Variants in PSTPIP2 observed in about 807,000 individuals in gnomAD.
PSTPIP2 encodes proline-serine-threonine phosphatase-interacting protein 2.
PSTPIP2 carries 33 observed loss-of-function variants against 63.3 expected under a neutral mutation model. That is an observed-to-expected ratio of 0.52 (90% CI 0.40 to 0.70). The LOEUF (loss-of-function observed/expected upper bound fraction) is 0.70, where lower values mean the gene tolerates loss of function less well. PSTPIP2 is among the 30% of genes least tolerant of loss of function. PSTPIP2 has a pLI of 0.00. For synonymous variants in PSTPIP2, 125 were observed against 132.7 expected (o/e 0.94, Z 0.40); for missense variants, 312 against 400.7 (o/e 0.78, Z 1.89).
At position 45,993,663 on chromosome 18, in the gene PSTPIP2, C is replaced by A. The variant is rs774118480; in HGVS notation, c.683G>T (p.Arg228Leu). 1.9e-6 allele frequency: 3 copies of A among 1,614,108 alleles called. No homozygotes were observed. The highest frequency in any genetic ancestry group is 1.7e-6 in the Non-Finnish European group (2 of 1,180,024). ...AQECERINFF[R>L]NALWLHVNQL... ...ATTCACATGTAACCACAATGCATTC[C>A]GGAAGAAGTTTATTCGTTCACATTC... Residue 228 changes from arginine (R) to leucine (L), a missense_variant, in exon 10 of 15, where the codon CGG becomes CTG. Transcript: ENST00000409746.
At chr18:45,994,890 A>G (rs2051577650) in intron 9 of PSTPIP2, among the ~76,000 whole-genome samples, 1 of 152,210 alleles carries the variant, frequency 6.6e-6, no homozygotes, top group Non-Finnish European at 1.5e-5. Flanking sequence ...ATCAGAAAGC[A>G]GTATAATAAA....
intron 4 of PSTPIP2, among the ~76,000 whole-genome samples, chr18:46,012,650 G>T: frequency 6.6e-6 from 1 of 152,128 alleles, no homozygotes; most frequent in East Asian, 1.9e-4. Context: ...GTGGGCACCT[G>T]TAGTCCCAGC....
At chr18:45,998,063 A>G (rs1243030589) in intron 8 of PSTPIP2, among the ~76,000 whole-genome samples, 2 of 152,130 alleles carry the variant, frequency 1.3e-5, no homozygotes, top group African/African-American at 2.4e-5. Flanking sequence ...ACATTGAGAA[A>G]GAAAGGTTCT....
intron 2 of PSTPIP2, chr18:46,029,795 G>T (rs1907722059): frequency 2.0e-6 from 1 of 503,612 alleles, no homozygotes; most frequent in South Asian, 1.9e-5. Context: ...TCTCTCAGAG[G>T]TGGATACTTT....
intron 4 of PSTPIP2, 151 bp downstream of exon 4, chr18:46,015,752 G>A (rs2051846367): frequency 3.8e-6 from 3 of 788,508 alleles, no homozygotes; most frequent in Admixed American, 2.8e-5. Context: ...AGCTCATTTC[G>A]AGCCTGCAGA....
intron 9 of PSTPIP2, among the ~76,000 whole-genome samples, chr18:45,996,927 A>G (rs2051601934): frequency 1.3e-5 from 2 of 152,162 alleles, no homozygotes; most frequent in East Asian, 1.9e-4. Flanking sequence ...GACTCAAAAC[A>G]AAAAGCAAAC....
intron 4 of PSTPIP2, among the ~76,000 whole-genome samples, chr18:46,012,703 G>T (rs1334148685): frequency 6.6e-6 from 1 of 152,202 alleles, no homozygotes; most frequent in African/African-American, 2.4e-5. Flanking sequence ...AACCCAAGAG[G>T]TGGAGTTTGC....
Position 45,983,648 on chromosome 18 carries a change from A to G in PSTPIP2, c.*1811T>C. The G allele has an allele frequency of 6.6e-6, 1 of 152,246 alleles. No individual in the cohort carries two copies. The highest frequency in any genetic ancestry group is 1.9e-4 in the East Asian group (1 of 5,198). 9.4% of individuals were successfully genotyped at this position (152,246 alleles called of 1,614,324 possible). On this transcript the variant is annotated 3_prime_UTR_variant, in exon 15 of 15. Transcript: ENST00000409746. Reference sequence around the variant, plus strand: ...ATCAACTACACTGACCAATACAGAGAAAAGGGAAATCCCTGAGGAACTGCC... The same window carrying G: ...ATCAACTACACTGACCAATACAGAGGAAAGGGAAATCCCTGAGGAACTGCC...
At chr18:46,054,583 A>G (rs190708981) in intron 1 of PSTPIP2, among the ~76,000 whole-genome samples, 1 of 152,262 alleles carries the variant, frequency 6.6e-6, no homozygotes, top group East Asian at 1.9e-4. Context: ...TAGGAAAAAT[A>G]GGGAGAACGG....
intron 1 of PSTPIP2, among the ~76,000 whole-genome samples, chr18:46,070,441 G>A (rs929733678): frequency 1.1e-4 from 16 of 152,346 alleles, no homozygotes; most frequent in Admixed American, 2.6e-4. Flanking sequence ...CTTAGCGCCC[G>A]CCTGGCCTTA....
Position 45,991,906 on chromosome 18 carries a change from C to T in PSTPIP2, c.916G>A (p.Ala306Thr), listed in dbSNP as rs374186995. Residue 306 changes from alanine (A) to threonine (T), a missense_variant, in exon 12 of 15, where the codon GCA becomes ACA. Ala to Thr is a moderately conservative substitution (Grantham distance 58). Transcript: ENST00000409746. ...PAGKATGPNL[A>T]RRGPLPIPKS... The stretch of plus-strand genomic sequence containing the variant: ...TGAAAGGCAGCTGGTTATTACCTTG[C>T]CAAGTTAGGCCCTGTAGCCTTTCCT... The T allele has an allele frequency of 1.9e-5, 31 of 1,605,762 alleles. No homozygotes were observed. Among genetic ancestry groups the T allele is most frequent in the African/African-American group, 2.7e-5 (2 of 74,584 alleles).
chr18:45,986,132 A>G (rs2051464399), intron 14 of PSTPIP2, among the ~76,000 whole-genome samples: 1 of 152,184 alleles, frequency 6.6e-6, no homozygotes, highest in Non-Finnish European at 1.5e-5. Context: ...TGTTGTGATA[A>G]GTTGCTTAGT....
chr18:46,068,692 C>A (rs1909281567), intron 1 of PSTPIP2, among the ~76,000 whole-genome samples: 1 of 151,970 alleles, frequency 6.6e-6, no homozygotes, highest in South Asian at 2.1e-4. Flanking sequence ...CATAGCAAGA[C>A]CCAATCTCTG....
chr18:46,035,614 TAGAG>T (rs1383977581), intron 2 of PSTPIP2, among the ~76,000 whole-genome samples: 1 of 151,834 alleles, frequency 6.6e-6, no homozygotes, highest in Non-Finnish European at 1.5e-5. Flanking sequence ...CTGGCTGAAA[TAGAG>T]AGAATGGGTA....
intron 1 of PSTPIP2, among the ~76,000 whole-genome samples, chr18:46,040,641 G>A (rs937655805): frequency 1.3e-5 from 2 of 152,180 alleles, no homozygotes; most frequent in Non-Finnish European, 2.9e-5. Context: ...AAACATTTGT[G>A]TCAGTGTTGG....
At chr18:46,014,406 G>A (rs961516518) in intron 4 of PSTPIP2, among the ~76,000 whole-genome samples, 4 of 152,172 alleles carry the variant, frequency 2.6e-5, no homozygotes, top group African/African-American at 4.8e-5. Context: ...GAAACAGGAT[G>A]TGGTTCTAAA....
At position 46,005,494 on chromosome 18, in the gene PSTPIP2, C is replaced by T. The variant is rs1442398889; in HGVS notation, c.392G>A (p.Ser131Asn). 2.5e-6 allele frequency: 4 copies of T among 1,603,414 alleles called. No homozygotes were observed. Among genetic ancestry groups the T allele is most frequent in the Non-Finnish European group, 3.4e-6 (4 of 1,171,456 alleles). The change falls in exon 6 of 15, where the codon AGC becomes AAC. Residue 131 changes from serine (S) to asparagine (N), a missense_variant. Coordinates refer to ENST00000409746, the MANE Select transcript of PSTPIP2 (RefSeq NM_024430.4). ...ATCCATGGTTTTCTTGAATTGTAAG[C>T]TCTTTTGTTTATGGATAGCATCCAT... ...LIMDAIHKQKSLQFKKTMDAK... is the reference protein window; with the variant it reads ...LIMDAIHKQKNLQFKKTMDAK...
intron 4 of PSTPIP2, among the ~76,000 whole-genome samples, chr18:46,012,756 A>G (rs2051813599): frequency 6.6e-6 from 1 of 152,218 alleles, no homozygotes. Flanking sequence ...CTGGCAACAG[A>G]GCGAGACTCC....
At chr18:45,989,199 T>A (rs2144056122) in intron 13 of PSTPIP2, among the ~76,000 whole-genome samples, 1 of 152,306 alleles carries the variant, frequency 6.6e-6, no homozygotes, top group South Asian at 2.1e-4. Flanking sequence ...TATTGATAGG[T>A]TTTGGCTCTG....
Sources: allele counts gnomAD v4.1 joint callset (sites outside exome capture counted in the v4.1 genomes callset), GRCh38; gene constraint gnomAD v4.1.1; transcripts MANE v1.5; gene names NCBI Gene and HGNC (gene_info 2026-07-23, HGNC 2026-07-21).